METTL25: variants seen among roughly 807,000 people sequenced by gnomAD.
METTL25 encodes probable methyltransferase-like protein 25.
A neutral mutation model predicts 71.6 loss-of-function variants in METTL25; 64 were observed. That is an observed-to-expected ratio of 0.89 (90% confidence interval 0.73 to 1.10). The LOEUF (loss-of-function observed/expected upper bound fraction) is 1.10, where lower values mean the gene tolerates loss of function less well. METTL25 is among the 50% of genes least tolerant of loss of function. The pLI, the probability that METTL25 is intolerant of heterozygous loss-of-function variation, is 0.00. For missense variants in METTL25, 807 were observed against 707.0 expected (o/e 1.14, Z -1.60); for synonymous variants, 287 against 250.3 (o/e 1.15, Z -1.38).
intron 5 of METTL25, among the ~76,000 whole-genome samples, chr12:82,413,858 A>T (rs1249797442): frequency 6.6e-6 from 1 of 151,916 alleles, no homozygotes; most frequent in African/African-American, 2.4e-5. Context: ...GGATGATAAT[A>T]AGAAATTTTT....
At chr12:82,378,579 A>G (rs1198105438) in intron 1 of METTL25, among the ~76,000 whole-genome samples, 1 of 152,228 alleles carries the variant, frequency 6.6e-6, no homozygotes, top group Non-Finnish European at 1.5e-5. Context: ...ATTGAACTCA[A>G]ATTAATGAAA....
In METTL25 at chr12:82,418,140, CTT is replaced by C. The variant is rs540887118; in HGVS notation, c.1280-12752_1280-12751del. ...TGAATATATTTTATATGTATTGACACTTAATATGCAAGTGTAAAAGAGAAAAG... is the reference window on the plus strand; with the variant it reads ...TGAATATATTTTATATGTATTGACACAATATGCAAGTGTAAAAGAGAAAAG... On this transcript the variant is annotated intron_variant, in intron 5 of 11. Transcript: ENST00000248306. 3.0e-3 allele frequency among the ~76,000 whole-genome samples: 453 copies of C among 152,176 alleles called. 8 individuals carry two copies. The highest frequency in any genetic ancestry group is 0.01 in the African/African-American group (427 of 41,518).
Position 82,476,735 on chromosome 12 carries a change from A to G in METTL25, c.1647+17A>G, listed in dbSNP as rs1192242138. ...TTTAATATGGTAAATCTCAGAGTTA[A>G]GCATATTAAATTGGATATGTTGCTA... is the stretch of plus-strand genomic sequence containing the variant. On this transcript the variant is annotated intron_variant, in intron 10 of 11. Transcript: ENST00000248306. 1 of 1,527,722 alleles carries G rather than the reference A, an allele frequency of 6.5e-7. No homozygotes were observed. Among genetic ancestry groups the G allele is most frequent in the Non-Finnish European group, 8.9e-7 (1 of 1,121,042 alleles). 94.6% of individuals were successfully genotyped at this position (1,527,722 alleles called of 1,614,324 possible).
intron 5 of METTL25, among the ~76,000 whole-genome samples, chr12:82,424,643 GATAA>G (rs1313210836): frequency 6.6e-6 from 1 of 151,938 alleles, no homozygotes; most frequent in Non-Finnish European, 1.5e-5. Flanking sequence ...GTAATGGGTT[GATAA>G]ATACCTCCCA....
intron 5 of METTL25, among the ~76,000 whole-genome samples, chr12:82,426,450 G>T (rs745341332): frequency 1.3e-5 from 2 of 151,976 alleles, no homozygotes; most frequent in East Asian, 3.9e-4. Context: ...AGGTGTTTTG[G>T]ATAGGAATTC....
At chr12:82,430,439 TA>T (rs1205380562) in intron 5 of METTL25, among the ~76,000 whole-genome samples, 3 of 151,630 alleles carry the variant, frequency 2.0e-5, no homozygotes. Context: ...ACATAGTGGC[TA>T]AAAGAAAAAA....
intron 5 of METTL25, among the ~76,000 whole-genome samples, chr12:82,423,387 T>A (rs372897675): frequency 6.6e-6 from 1 of 152,222 alleles, no homozygotes; most frequent in African/African-American, 2.4e-5. Flanking sequence ...ATACAAAAAT[T>A]AATTCAAGAT....
chr12:82,360,319 CTTT>C (rs1565791160), intron 1 of METTL25, among the ~76,000 whole-genome samples: 1 of 152,084 alleles, frequency 6.6e-6, no homozygotes, highest in Admixed American at 6.5e-5. Flanking sequence ...TGTATTTTCT[CTTT>C]TAATCTTTAC....
At chr12:82,477,924 C>G (rs567679524) in intron 11 of METTL25, among the ~76,000 whole-genome samples, 1 of 151,828 alleles carries the variant, frequency 6.6e-6, no homozygotes, top group South Asian at 2.1e-4. Flanking sequence ...AAATTAAACC[C>G]ATTCATGGAC....
chr12:82,367,623 C>G, intron 1 of METTL25, among the ~76,000 whole-genome samples: 1 of 152,190 alleles, frequency 6.6e-6, no homozygotes, highest in East Asian at 1.9e-4. Flanking sequence ...TGGCTTCCAA[C>G]CTGTTGTTCT....
At chr12:82,382,271 G>T (rs1884512275) in intron 1 of METTL25, among the ~76,000 whole-genome samples, 1 of 152,132 alleles carries the variant, frequency 6.6e-6, no homozygotes. Flanking sequence ...GAAACTCTGG[G>T]CCATGAGACA....
intron 8 of METTL25, among the ~76,000 whole-genome samples, chr12:82,441,768 A>G (rs142698109): frequency 0.011 from 1,676 of 147,704 alleles, 29 homozygotes; most frequent in African/African-American, 0.04. Flanking sequence ...ACTTTTATGC[A>G]TTACTGCCAT....
chr12:82,432,877 A>T (rs1889628895), intron 6 of METTL25, among the ~76,000 whole-genome samples: 1 of 151,338 alleles, frequency 6.6e-6, no homozygotes, highest in Admixed American at 6.6e-5. Flanking sequence ...AAAAAAAAAA[A>T]AAAAAAGATA....
intron 9 of METTL25, among the ~76,000 whole-genome samples, chr12:82,469,291 C>G (rs1382949603): frequency 6.6e-6 from 1 of 152,108 alleles, no homozygotes; most frequent in Non-Finnish European, 1.5e-5. Flanking sequence ...TGTTCTCACA[C>G]TGCTATAAAG....
intron 9 of METTL25, among the ~76,000 whole-genome samples, chr12:82,464,334 A>G (rs536233865): frequency 6.6e-6 from 1 of 152,006 alleles, no homozygotes; most frequent in African/African-American, 2.4e-5. Flanking sequence ...GCATATGGAT[A>G]TTCAGTTTTC....
intron 2 of METTL25, 51 bp downstream of exon 2, chr12:82,387,018 A>G: frequency 6.9e-7 from 1 of 1,450,854 alleles, no homozygotes; most frequent in South Asian, 1.3e-5. Context: ...CTTAGAAGCA[A>G]TACTTTGTTC....
chr12:82,470,202 A>G (rs929958455), intron 9 of METTL25, among the ~76,000 whole-genome samples: 15 of 152,210 alleles, frequency 9.9e-5, no homozygotes, highest in South Asian at 6.2e-4. Context: ...TCTTATTTCT[A>G]TATTATAACT....
chr12:82,399,512 A>G, intron 4 of METTL25, 118 bp downstream of exon 4: 1 of 822,560 alleles, frequency 1.2e-6, no homozygotes, highest in South Asian at 1.9e-5. Context: ...GACCAAGAAA[A>G]TGAAATCATA....
At chr12:82,467,786 A>C (rs111962239) in intron 9 of METTL25, among the ~76,000 whole-genome samples, 2 of 151,996 alleles carry the variant, frequency 1.3e-5, no homozygotes, top group Admixed American at 1.3e-4. Context: ...GGTTTAATCT[A>C]TTTGGGGTCT....
Sources: allele counts gnomAD v4.1 joint callset (sites outside exome capture counted in the v4.1 genomes callset), GRCh38; gene constraint gnomAD v4.1.1; transcripts MANE v1.5; gene names NCBI Gene and HGNC (gene_info 2026-07-23, HGNC 2026-07-21).